The following UBXN4 variants were observed in gnomAD, a reference collection of about 807,000 sequenced individuals.
UBXN4 encodes UBX domain-containing protein 4.
Under a neutral mutation model 66.2 loss-of-function variants are expected in UBXN4, and 35 were observed. The ratio of observed to expected loss-of-function variants is 0.53; its 90% CI spans 0.40 to 0.70. The LOEUF (loss-of-function observed/expected upper bound fraction) is 0.70, where lower values mean the gene tolerates loss of function less well. Ranked by LOEUF, UBXN4 falls within the 30% of genes least tolerant of loss-of-function variation. UBXN4 has a pLI of 0.00. For missense variants in UBXN4, 533 were observed against 599.8 expected, an observed-to-expected ratio of 0.89 and a Z score of 1.16; for synonymous variants, 203 against 204.5, an observed-to-expected ratio of 0.99 and a Z score of 0.06.
chr2:135,778,630 C>T (rs2077432130), intron 10 of UBXN4, among the ~76,000 whole-genome samples: 1 of 152,132 alleles, frequency 6.6e-6, no homozygotes. Context: ...ATAGTGAAAA[C>T]CTAATGATGA....
chr2:135,752,321 A>G (rs952328933), intron 2 of UBXN4, among the ~76,000 whole-genome samples: 1 of 152,240 alleles, frequency 6.6e-6, no homozygotes, highest in Non-Finnish European at 1.5e-5. Context: ...TGCTGGGATT[A>G]CAGGCGTGAG....
intron 6 of UBXN4, among the ~76,000 whole-genome samples, chr2:135,765,950 C>G (rs550828705): frequency 6.6e-6 from 1 of 152,020 alleles, no homozygotes; most frequent in African/African-American, 2.4e-5. Flanking sequence ...GTCAGGAGTT[C>G]GAGACCAGCC....
intron 5 of UBXN4, 48 bp downstream of exon 5, chr2:135,755,739 C>A (rs370387642): frequency 4.3e-6 from 5 of 1,163,282 alleles, no homozygotes; most frequent in Admixed American, 3.0e-5. Flanking sequence ...TCCTTCACTA[C>A]ATTTTAATAT....
At chr2:135,752,813 C>G (rs1007393469) in intron 2 of UBXN4, among the ~76,000 whole-genome samples, 2 of 150,026 alleles carry the variant, frequency 1.3e-5, no homozygotes, top group African/African-American at 4.9e-5. Flanking sequence ...CTCTGCCTAC[C>G]AGGTTCAAGC....
rs2077392065 is a variant in UBXN4 at position 135,772,897 on chromosome 2, C to A, written c.950+350C>A. Among the ~76,000 whole-genome samples, 7 of 152,022 alleles carry A rather than the reference C, an allele frequency of 4.6e-5. No individual in the cohort carries two copies. In the South Asian group the frequency reaches 1.5e-3, roughly 32 times the overall value. On this transcript the variant is annotated intron_variant, in intron 9 of 12. Transcript: ENST00000272638. ...ACTAAAAATACAAAAATTAGCTGGG[C>A]ATGGTGGCGGGCGCCTGTAGTCCCA...
In UBXN4 at chr2:135,761,821, G is replaced by C; in HGVS notation, c.512G>C (p.Gly171Ala). 6.2e-7 allele frequency: 1 copy of C among 1,601,916 alleles called. No individual in the cohort carries two copies. The highest frequency in any genetic ancestry group is 1.1e-5 in the South Asian group (1 of 88,062). The change falls in exon 6 of 13, where the codon GGA becomes GCA. Residue 171 changes from glycine to alanine, a missense_variant. Coordinates refer to ENST00000272638, the MANE Select transcript of UBXN4 (RefSeq NM_014607.4). Reference sequence around the variant, plus strand: ...TTCTTTTTATTTAATAATTAAGGAGGAGAAAGTGCAGGCCATGCCACTTCC... The same window carrying C: ...TTCTTTTTATTTAATAATTAAGGAGCAGAAAGTGCAGGCCATGCCACTTCC... ...SDTKSDTATG[G>A]ESAGHATSSQ...
At position 135,772,520 on chromosome 2, in the gene UBXN4, A is replaced by G. The variant is rs777780161; in HGVS notation, c.923A>G (p.Lys308Arg). 1.9e-6 allele frequency: 3 copies of G among 1,613,960 alleles called. No homozygotes were observed. The highest frequency in any genetic ancestry group is 1.7e-6 in the Non-Finnish European group (2 of 1,179,874). Reference sequence around the variant, plus strand: ...GCAAAACAGGCAGAAATGGAAGTCAAGAGGGAATCTTATGCAAGAGAAAGA... The same window carrying G: ...GCAAAACAGGCAGAAATGGAAGTCAGGAGGGAATCTTATGCAAGAGAAAGA... Reference protein sequence around the residue: ...LLAKQAEMEVKRESYARERST... With the variant: ...LLAKQAEMEVRRESYARERST... The change falls in exon 9 of 13, where the codon AAG becomes AGG. Residue 308 changes from lysine to arginine, a missense_variant. Physicochemically the swap from Lys to Arg is conservative, Grantham distance 26 (BLOSUM62 2). Transcript: ENST00000272638.
At position 135,783,650 on chromosome 2, in the gene UBXN4, G is replaced by A. The variant is rs967700372; in HGVS notation, c.*763G>A. On this transcript the variant is annotated 3_prime_UTR_variant, in exon 13 of 13. Coordinates refer to ENST00000272638, the MANE Select transcript of UBXN4 (RefSeq NM_014607.4). ...ATCACTTTGTTTGCATAAAGTATAC[G>A]GTTTGTTAAGGCCTTTGTTCTTGTG... The A allele has an allele frequency of 1.3e-5, 2 of 152,102 alleles. No homozygotes were observed. Among genetic ancestry groups the A allele is most frequent in the East Asian group, 1.9e-4 (1 of 5,204 alleles). 9.4% of individuals were successfully genotyped at this position (152,102 alleles called of 1,614,324 possible).
At position 135,782,950 on chromosome 2, in the gene UBXN4, C is replaced by A; in HGVS notation, c.*63C>A. On this transcript the variant is annotated 3_prime_UTR_variant, in exon 13 of 13. Coordinates refer to ENST00000272638, the MANE Select transcript of UBXN4 (RefSeq NM_014607.4). Reference sequence around the variant, plus strand: ...CTTATGATTTAATTCAACTAAAATTCTACTGGAGAAGTGGGACTGCTTTAT... The same window carrying A: ...CTTATGATTTAATTCAACTAAAATTATACTGGAGAAGTGGGACTGCTTTAT... 2.0e-6 allele frequency: 3 copies of A among 1,534,314 alleles called. No homozygotes were observed. Among genetic ancestry groups the A allele is most frequent in the South Asian group, 2.5e-5 (2 of 81,316 alleles).
At chr2:135,780,688 A>G (rs2077444308) in intron 12 of UBXN4, among the ~76,000 whole-genome samples, 1 of 152,068 alleles carries the variant, frequency 6.6e-6, no homozygotes, top group Non-Finnish European at 1.5e-5. Context: ...TTTTTTTTCT[A>G]GTAACCTCTT....
chr2:135,759,778 T>TA (rs1356297502), intron 5 of UBXN4, among the ~76,000 whole-genome samples: 1 of 143,786 alleles, frequency 7.0e-6, no homozygotes, highest in Admixed American at 6.9e-5. Context: ...TTTTTTTTTT[T>TA]TTTTTTTTTT....
Position 135,783,649 on chromosome 2 carries a change from C to G in UBXN4, c.*762C>G, listed in dbSNP as rs1291426026. ...CATCACTTTGTTTGCATAAAGTATA[C>G]GGTTTGTTAAGGCCTTTGTTCTTGT... On this transcript the variant is annotated 3_prime_UTR_variant, in exon 13 of 13. Coordinates refer to ENST00000272638, the MANE Select transcript of UBXN4 (RefSeq NM_014607.4). The G allele has an allele frequency of 1.3e-5, 2 of 152,120 alleles. No homozygotes were observed. The highest frequency in any genetic ancestry group is 2.9e-5 in the Non-Finnish European group (2 of 68,018). The allele number at this position is 152,120 out of a possible 1,614,324, so 9.4% of individuals were successfully genotyped here.
intron 6 of UBXN4, among the ~76,000 whole-genome samples, chr2:135,769,559 G>A (rs940180859): frequency 6.6e-6 from 1 of 152,122 alleles, no homozygotes; most frequent in Non-Finnish European, 1.5e-5. Context: ...GGGAAGTGAG[G>A]CATTTAGAAT....
chr2:135,762,648 T>G (rs1281758799), intron 6 of UBXN4, among the ~76,000 whole-genome samples: 1 of 152,172 alleles, frequency 6.6e-6, no homozygotes, highest in Admixed American at 6.5e-5. Context: ...TCAGTAAAGA[T>G]CAGCTTCTTT....
chr2:135,756,270 G>A (rs187963686), intron 5 of UBXN4, among the ~76,000 whole-genome samples: 1 of 152,198 alleles, frequency 6.6e-6, no homozygotes, highest in East Asian at 1.9e-4. Context: ...AATAAATCAA[G>A]ATGTTAGGAT....
In UBXN4 at chr2:135,769,826, A is replaced by G; in HGVS notation, c.657+3A>G. On this transcript the variant is annotated splice_donor_region_variant and intron_variant, in intron 7 of 12. Coordinates refer to ENST00000272638, the MANE Select transcript of UBXN4 (RefSeq NM_014607.4). ...AGAAAAGAAAAGAGGAAGAACAGGT[A>G]AAGTTCATGCAGTTAGCATTGTTTT... The G allele has an allele frequency of 6.2e-7, 1 of 1,600,648 alleles. No homozygotes were observed. The highest frequency in any genetic ancestry group is 8.5e-7 in the Non-Finnish European group (1 of 1,175,520).
chr2:135,747,910 C>A, intron 1 of UBXN4: 1 of 317,132 alleles, frequency 3.2e-6, no homozygotes, highest in Non-Finnish European at 6.2e-6. Context: ...CGTGAGCCAC[C>A]GAGCCCAGCC....
intron 6 of UBXN4, among the ~76,000 whole-genome samples, chr2:135,763,010 A>T (rs920176440): frequency 6.6e-6 from 1 of 152,198 alleles, no homozygotes; most frequent in African/African-American, 2.4e-5. Context: ...AGTTTTTAAT[A>T]GCCTCCATTC....
At chr2:135,747,900 C>T (rs2077219532) in intron 1 of UBXN4, 5 of 323,388 alleles carry the variant, frequency 1.5e-5, no homozygotes, top group South Asian at 4.9e-5. Flanking sequence ...AGATTATAGG[C>T]GTGAGCCACC....
Sources: gnomAD v4.1 joint callset for allele counts (sites outside exome capture counted in the v4.1 genomes callset) on GRCh38, gnomAD v4.1.1 for gene constraint, MANE v1.5 for transcripts, NCBI Gene and HGNC (gene_info 2026-07-23, HGNC 2026-07-21) for gene names.